Variants in LETMD1 observed in about 807,000 individuals in gnomAD.
LETMD1 encodes LETM1 domain-containing protein 1.
Under a neutral mutation model 43.9 loss-of-function variants are expected in LETMD1, and 30 were observed. The ratio of observed to expected loss-of-function variants is 0.68; its 90% CI spans 0.51 to 0.93. The LOEUF is 0.93. LETMD1 is among the 40% of genes least tolerant of loss of function. LETMD1 has a pLI of 0.00. For synonymous variants in LETMD1, 176 were observed against 163.1 expected, an observed-to-expected ratio of 1.08 and a Z score of -0.60; for missense variants, 413 against 447.7, an observed-to-expected ratio of 0.92 and a Z score of 0.70.
chr12:51,049,747 CTAAT>C (rs1592534341), intron 2 of LETMD1, among the ~76,000 whole-genome samples: 1 of 152,164 alleles, frequency 6.6e-6, no homozygotes, highest in African/African-American at 2.4e-5. Flanking sequence ...TGCGATTGGA[CTAAT>C]TAATTAACCC....
At chr12:51,051,971 C>A in intron 2 of LETMD1, 121 bp from the exon 3 acceptor site, 1 of 809,404 alleles carries the variant, frequency 1.2e-6, no homozygotes, top group Non-Finnish European at 1.9e-6. Context: ...TAGTTTAAAG[C>A]TTTGAGTATC....
chr12:51,063,785 G>A (rs746150411), downstream of LETMD1: 3 of 1,590,046 alleles, frequency 1.9e-6, no homozygotes, highest in South Asian at 1.1e-5. Context: ...AATCTTCAGG[G>A]GGCCGATCCT....
Position 51,052,078 on chromosome 12 carries a change from C to T in LETMD1, c.275-14C>T, listed in dbSNP as rs370300106. The T allele has an allele frequency of 6.2e-7, 1 of 1,611,642 alleles. No individual in the cohort carries two copies. The highest frequency in any genetic ancestry group is 2.2e-5 in the East Asian group (1 of 44,860). ...GGATAACATCACACTCTGTCCTCTACTTTAATGAGGCAGGATTGCAGATGT... is the reference window on the plus strand; with the variant it reads ...GGATAACATCACACTCTGTCCTCTATTTTAATGAGGCAGGATTGCAGATGT... On this transcript the variant is annotated splice_polypyrimidine_tract_variant and intron_variant, in intron 2 of 8. Transcript: ENST00000262055.
chr12:51,063,660 G>T, downstream of LETMD1: 1 of 1,049,126 alleles, frequency 9.5e-7, no homozygotes, highest in Non-Finnish European at 1.3e-6. Context: ...AGCAGCAGCT[G>T]CTTCTACAGT....
rs569118107 is a variant in LETMD1 at position 51,058,465 on chromosome 12, C to G, written c.1012+337C>G. 71 of 244,804 alleles carry G rather than the reference C, an allele frequency of 2.9e-4. 3 individuals are homozygous for G. The South Asian group carries it at 3.6e-3, about 13-fold the overall frequency. The allele number at this position is 244,804 out of a possible 1,614,324, so 15.2% of individuals were successfully genotyped here. ...CGGGGTTTCGCTCTTGTTGCCCAGGCTGGAGTGCAATGGTGCGATCTCGGC... is the reference window on the plus strand; with the variant it reads ...CGGGGTTTCGCTCTTGTTGCCCAGGGTGGAGTGCAATGGTGCGATCTCGGC... On this transcript the variant is annotated intron_variant, in intron 8 of 8. Transcript: ENST00000262055.
chr12:51,063,733 C>T, downstream of LETMD1: 1 of 1,523,320 alleles, frequency 6.6e-7, no homozygotes, highest in East Asian at 2.3e-5. Flanking sequence ...AGAGGCAGGA[C>T]CTCTAGCGCC....
chr12:51,063,618 A>G (rs1210371045), downstream of LETMD1: 5 of 731,512 alleles, frequency 6.8e-6, no homozygotes, highest in Non-Finnish European at 6.4e-6. Context: ...TTTCCCACCC[A>G]TTCCCCAAAG....
downstream of LETMD1, among the ~76,000 whole-genome samples, chr12:51,060,635 G>A (rs1280322116): frequency 1.3e-5 from 2 of 152,168 alleles, no homozygotes; most frequent in African/African-American, 4.8e-5. Context: ...GGGCGCGGCG[G>A]CTCACGCCTG....
chr12:51,065,507 T>C, the LETMD1 span, among the ~76,000 whole-genome samples: 1 of 152,212 alleles, frequency 6.6e-6, no homozygotes, highest in Non-Finnish European at 1.5e-5. Context: ...CATTTTTTTT[T>C]CCTTTGGAGA....
At chr12:51,050,868 C>G (rs920326010) in intron 2 of LETMD1, among the ~76,000 whole-genome samples, 4 of 151,218 alleles carry the variant, frequency 2.6e-5, no homozygotes, top group Non-Finnish European at 4.4e-5. Context: ...ACAAAATCAG[C>G]CAGGTATAGT....
In LETMD1 at chr12:51,059,389, C is replaced by T. The variant is rs763195815; in HGVS notation, c.1041C>T (p.Asn347=). 1.4e-5 allele frequency: 22 copies of T among 1,614,092 alleles called. No individual in the cohort carries two copies. Among genetic ancestry groups the T allele is most frequent in the Admixed American group, 6.7e-5 (4 of 60,008 alleles). ...CTGAGCTGTCTCTCTTGCTGCACAA[C>T]GTGGTCCTGCTCTCCACCAACTACC... ...KEAELSLLLH[N]VVLLSTNYLG... Residue 347 remains asparagine (N), a synonymous_variant, in exon 9 of 9, where the codon AAC becomes AAT. Coordinates refer to ENST00000262055, the MANE Select transcript of LETMD1 (RefSeq NM_015416.5).
the LETMD1 span, among the ~76,000 whole-genome samples, chr12:51,066,453 C>CAA: frequency 0.01 from 791 of 78,042 alleles, 11 homozygotes; most frequent in African/African-American, 0.041. Context: ...GACTCCGTCT[C>CAA]AAAAAAAAAA....
rs760000296 is a variant in LETMD1, at chr12:51,059,414, C to G, written c.1066C>G (p.Leu356Val). 24 of 1,614,172 alleles carry G rather than the reference C, an allele frequency of 1.5e-5. No homozygotes were observed. Among genetic ancestry groups the G allele is most frequent in the Non-Finnish European group, 2.0e-5 (24 of 1,179,980 alleles). The change falls in exon 9 of 9, where the codon CTT becomes GTT. Residue 356 changes from leucine (L) to valine (V), a missense_variant. Leu to Val is a conservative substitution (Grantham distance 32, BLOSUM62 1). Coordinates refer to ENST00000262055, the MANE Select transcript of LETMD1 (RefSeq NM_015416.5). ...CGTGGTCCTGCTCTCCACCAACTAC[C>G]TTGGGACAAGGCGCTGAATGAACCA... ...HNVVLLSTNY[L>V]GTRR
chr12:51,048,458 C>T lies in LETMD1; in HGVS notation c.102C>T (p.Gly34=). ...VTRRLQLGRS[G]LAWGAPRSSK... is the part of the protein sequence containing the mutation. ...GGAGGCTGCAACTTGGTCGCTCTGG[C>T]CTGGCTTGGGGGGCCCCTCGGTGAG... The change falls in exon 1 of 9, where the codon GGC becomes GGT. Residue 34 remains glycine (G), a synonymous_variant. Transcript: ENST00000262055. The T allele has an allele frequency of 1.9e-6, 3 of 1,613,826 alleles. No homozygotes were observed. The highest frequency in any genetic ancestry group is 2.5e-6 in the Non-Finnish European group (3 of 1,180,012).
At chr12:51,056,587 G>T (rs1947813187) in intron 7 of LETMD1, 85 bp downstream of exon 7, 1 of 1,311,330 alleles carries the variant, frequency 7.6e-7, no homozygotes, top group African/African-American at 1.4e-5. Context: ...GGGGCTCCTT[G>T]TCTTGTTTGT....
intron 3 of LETMD1, among the ~76,000 whole-genome samples, chr12:51,053,022 G>T (rs1946608166): frequency 6.6e-6 from 1 of 151,640 alleles, no homozygotes; most frequent in African/African-American, 2.4e-5. Flanking sequence ...TGAGGCAGGA[G>T]AATTGCTTGA....
In LETMD1 at chr12:51,056,534, C is replaced by A. The variant is rs761995561; in HGVS notation, c.915+32C>A. The A allele has an allele frequency of 1.9e-6, 3 of 1,613,484 alleles. No individual in the cohort carries two copies. The South Asian group carries it at 3.3e-5, about 18-fold the overall frequency. ...GCTTGATTGCAACATCAACCCTCAA[C>A]CCTTGGTGTGCTTTTGAGCCTATGG... On this transcript the variant is annotated intron_variant, in intron 7 of 8. Coordinates refer to ENST00000262055, the MANE Select transcript of LETMD1 (RefSeq NM_015416.5).
chr12:51,054,860 GGAGGCC>G (rs780139524), intron 4 of LETMD1, among the ~76,000 whole-genome samples: 5 of 152,184 alleles, frequency 3.3e-5, no homozygotes, highest in Non-Finnish European at 5.9e-5. Context: ...CAGCACTTTG[GGAGGCC>G]GAGGCGGGCA....
At chr12:51,053,271 C>G (rs1486014) in intron 3 of LETMD1, among the ~76,000 whole-genome samples, 66,359 of 152,022 alleles carry the variant, frequency 0.44, 16,224 homozygotes, top group Non-Finnish European at 0.57. Flanking sequence ...AGGCTCTGTA[C>G]TAGACATTAT....
Sources: allele counts gnomAD v4.1 joint callset (sites outside exome capture counted in the v4.1 genomes callset), GRCh38; gene constraint gnomAD v4.1.1; transcripts MANE v1.5; gene names NCBI Gene and HGNC (gene_info 2026-07-23, HGNC 2026-07-21).